The following EHMT1 variants were observed in gnomAD, a reference collection of about 807,000 sequenced individuals.
The protein encoded by EHMT1 is histone-lysine N-methyltransferase EHMT1.
EHMT1 carries 15 observed loss-of-function variants against 147.2 expected under a neutral mutation model. The ratio of observed to expected loss-of-function variants is 0.10; its 90% CI spans 0.07 to 0.16. The LOEUF is 0.16. Among genes scored for constraint, EHMT1 ranks in the 10% least tolerant of loss-of-function variants. The probability of loss-of-function intolerance (pLI) is 1.00; values close to 1 mark genes in which losing one functional copy is unlikely to be tolerated. For missense variants in EHMT1, 1,587 were observed against 1,772.4 expected (o/e 0.90, Z 1.88); for synonymous variants, 795 against 709.6 (o/e 1.12, Z -1.91).
At chr9:137,759,484 G>C (rs1949641103) in intron 9 of EHMT1, among the ~76,000 whole-genome samples, 1 of 152,234 alleles carries the variant, frequency 6.6e-6, no homozygotes. Context: ...GTGTGCGCCT[G>C]CTGTCTCTGG....
intron 15 of EHMT1, chr9:137,788,560 GGGGCCTTGCGGGCTTAGA>G (rs1338077612): frequency 6.5e-6 from 1 of 154,020 alleles, no homozygotes. Flanking sequence ...GCAGGTGTAG[GGGGCCTTGCGGGCTTAGA>G]GGGCCTCACA....
intron 13 of EHMT1, among the ~76,000 whole-genome samples, chr9:137,778,996 C>T (rs555380018): frequency 1.3e-3 from 205 of 152,278 alleles, no homozygotes; most frequent in Middle Eastern, 6.8e-3. Context: ...CGGGAACTCA[C>T]TCATCACCAG....
intron 1 of EHMT1, among the ~76,000 whole-genome samples, chr9:137,672,675 A>C (rs1940816839): frequency 6.6e-6 from 1 of 152,262 alleles, no homozygotes; most frequent in Non-Finnish European, 1.5e-5. Context: ...CCTCTCGTAG[A>C]GCTGACATTC....
intron 1 of EHMT1, among the ~76,000 whole-genome samples, chr9:137,701,859 T>A (rs2135184716): frequency 6.6e-6 from 1 of 151,644 alleles, no homozygotes; most frequent in Non-Finnish European, 1.5e-5. Flanking sequence ...AATGGTGCGA[T>A]CTCAGCTCAC....
chr9:137,779,485 G>A (rs1050152595), intron 13 of EHMT1, 150 bp from the exon 14 acceptor site: 21 of 771,406 alleles, frequency 2.7e-5, no homozygotes, highest in Admixed American at 1.8e-4. Context: ...GACGTCTGCC[G>A]GGCCTTCCAG....
At chr9:137,641,589 G>T (rs1326351713) in intron 1 of EHMT1, 1 of 278,476 alleles carries the variant, frequency 3.6e-6, no homozygotes, top group Non-Finnish European at 6.9e-6. Context: ...CGCTCTCCCA[G>T]TCCGCTTGCC....
chr9:137,734,793 G>A (rs889517647), intron 4 of EHMT1, among the ~76,000 whole-genome samples: 18 of 152,150 alleles, frequency 1.2e-4, no homozygotes, highest in African/African-American at 4.1e-4. Context: ...ATATATCACC[G>A]GTATATTAAG....
chr9:137,746,363 C>T (rs578093627), intron 6 of EHMT1: 2 of 152,344 alleles, frequency 1.3e-5, no homozygotes, highest in South Asian at 2.1e-4. Context: ...GAACCTTCCA[C>T]CTCAGCTTCC....
chr9:137,721,078 T>G (rs2135593164), intron 3 of EHMT1, among the ~76,000 whole-genome samples: 1 of 152,066 alleles, frequency 6.6e-6, no homozygotes, highest in South Asian at 2.1e-4. Context: ...GCGCTGGTGT[T>G]TCCTCGAGGC....
intron 4 of EHMT1, among the ~76,000 whole-genome samples, chr9:137,740,792 T>A (rs1947988228): frequency 1.3e-5 from 2 of 152,164 alleles, no homozygotes; most frequent in African/African-American, 4.8e-5. Context: ...TGACATGATT[T>A]ATTTTATTTT....
At chr9:137,715,520 G>A (rs12683512) in intron 2 of EHMT1, 1 of 984,536 alleles carries the variant, frequency 1.0e-6, no homozygotes, top group African/African-American at 1.7e-5. Context: ...ATAAGCACCA[G>A]GAAGAACAGA....
At chr9:137,797,474 T>C (rs1564781116) in intron 16 of EHMT1, among the ~76,000 whole-genome samples, 1 of 152,178 alleles carries the variant, frequency 6.6e-6, no homozygotes, top group Non-Finnish European at 1.5e-5. Context: ...GCCCAAGGTC[T>C]CTGCCAGGTG....
intron 10 of EHMT1, 182 bp downstream of exon 10, chr9:137,763,002 C>A: frequency 1.3e-6 from 1 of 773,076 alleles, no homozygotes; most frequent in Non-Finnish European, 2.2e-6. Flanking sequence ...GATGATGAAA[C>A]ACAGGTCTAG....
chr9:137,669,731 T>A (rs186955183), intron 1 of EHMT1, among the ~76,000 whole-genome samples: 6,589 of 151,980 alleles, frequency 0.043, 433 homozygotes, highest in African/African-American at 0.15. Context: ...TTCTCTTTTT[T>A]TAAAAAAAAA....
rs1211625742 is a variant in EHMT1, at chr9:137,828,181, G to A, written c.3541-6168G>A. ...TGCTGTGACCATCCACAGGCCCCAG[G>A]GGGGTGCTGGCGGGCATCAGGGAAG... On this transcript the variant is annotated intron_variant, in intron 25 of 26. Transcript: ENST00000460843. This position sits in a 1 kb window ranked among gnomAD's most constrained non-coding sequence, Gnocchi z 5.3. 6.6e-6 allele frequency among the ~76,000 whole-genome samples: 1 copy of A among 152,162 alleles called. No individual in the cohort carries two copies. The highest frequency in any genetic ancestry group is 1.5e-5 in the Non-Finnish European group (1 of 68,014).
In EHMT1 at chr9:137,776,950, AGCTGAT is replaced by A; in HGVS notation, c.2018+116_2018+121del. Reference sequence around the variant, plus strand: ...CTGCTGTTTTTTCCAGAAGTCTCTGAGCTGATGCTGATGCTTATGGTGATTTCTGAC... The same window carrying A: ...CTGCTGTTTTTTCCAGAAGTCTCTGAGCTGATGCTTATGGTGATTTCTGAC... On this transcript the variant is annotated intron_variant, in intron 12 of 26. Coordinates refer to ENST00000460843, the MANE Select transcript of EHMT1 (RefSeq NM_024757.5). This position sits in a 1 kb window ranked among gnomAD's most constrained non-coding sequence, Gnocchi z 4.4. The A allele has an allele frequency of 9.5e-7, 1 of 1,047,786 alleles. No homozygotes were observed. Among genetic ancestry groups the A allele is most frequent in the Non-Finnish European group, 1.4e-6 (1 of 704,622 alleles). The allele number at this position is 1,047,786 out of a possible 1,614,324, so 64.9% of individuals were successfully genotyped here. A position where few individuals can be genotyped will look rare whatever the true frequency, so the allele number is the denominator to read the frequency against.
At chr9:137,694,724 C>T (rs1406769623) in intron 1 of EHMT1, among the ~76,000 whole-genome samples, 1 of 152,212 alleles carries the variant, frequency 6.6e-6, no homozygotes, top group Non-Finnish European at 1.5e-5. Context: ...AGCACACAGG[C>T]AGGAGCTGTT....
chr9:137,829,347 A>G (rs5029224), intron 25 of EHMT1, among the ~76,000 whole-genome samples: 25,198 of 152,248 alleles, frequency 0.17, 6,812 homozygotes, highest in African/African-American at 0.57. Flanking sequence ...CAGACATACC[A>G]GAAAGCAGAG....
In EHMT1 at chr9:137,716,769, G is replaced by A. The variant is rs768764806; in HGVS notation, c.229G>A (p.Ala77Thr). ...ANAAKHTQDS[A>T]RVNPQDGTNT... Reference sequence around the variant, plus strand: ...TGCTGCAAAGCACACTCAGGACAGCGCAAGGGTCAACCCCCAGGATGGCAC... The same window carrying A: ...TGCTGCAAAGCACACTCAGGACAGCACAAGGGTCAACCCCCAGGATGGCAC... The change falls in exon 3 of 27, where the codon GCA (alanine) becomes ACA (threonine). Residue 77 changes from alanine to threonine, a missense_variant. Ala to Thr is a moderately conservative substitution (Grantham distance 58). This residue lies in a region of EHMT1 where 810 missense variants were observed against 673.0 expected (regional missense o/e 1.20). Transcript: ENST00000460843. 2.9e-5 allele frequency: 46 copies of A among 1,612,886 alleles called. No individual in the cohort carries two copies. Among genetic ancestry groups the A allele is most frequent in the South Asian group, 1.1e-4 (10 of 91,092 alleles).
Sources: allele counts gnomAD v4.1 joint callset (sites outside exome capture counted in the v4.1 genomes callset), GRCh38; gene constraint gnomAD v4.1.1; regional missense constraint gnomAD v4.1.1; non-coding constraint Gnocchi (gnomAD v3.1); transcripts MANE v1.5; gene names NCBI Gene and HGNC (gene_info 2026-07-23, HGNC 2026-07-21).